Variants in ANKRD62 observed in about 807,000 individuals in gnomAD.
ANKRD62 encodes the protein ankyrin repeat domain-containing protein 62.
Under a neutral mutation model 98.8 loss-of-function variants are expected in ANKRD62, and 61 were observed. The observed-to-expected ratio is 0.62, with a 90% CI of 0.50 to 0.76. ANKRD62 has a LOEUF of 0.76. Ranked by LOEUF, ANKRD62 falls within the 30% of genes least tolerant of loss-of-function variation. ANKRD62 has a pLI of 0.00. For missense variants in ANKRD62, 933 were observed against 1,082.9 expected (o/e 0.86, Z 1.94); for synonymous variants, 341 against 367.9 (o/e 0.93, Z 0.84).
chr18:12,103,119 A>C, intron 6 of ANKRD62, 39 bp from the exon 7 acceptor site: 1 of 1,280,174 alleles, frequency 7.8e-7, no homozygotes, highest in Non-Finnish European at 1.0e-6. Context: ...AATTGTTCTA[A>C]GTAGTTCATT....
rs1211433399 is a variant in ANKRD62 at position 12,100,475 on chromosome 18, A to G, written c.820+793A>G. ...AGTCTGCAGATGAGCGGGCCCTTGC[A>G]GTTCAAACCTGTGTTGTTCAGAGAT... On this transcript the variant is annotated intron_variant, in intron 6 of 13. Transcript: ENST00000587848. 5.3e-5 allele frequency among the ~76,000 whole-genome samples: 8 copies of G among 152,172 alleles called. No homozygotes were observed. The East Asian group carries it at 1.5e-3, about 29-fold the overall frequency.
chr18:12,127,152 C>G (rs1256804047), intron 13 of ANKRD62, among the ~76,000 whole-genome samples: 5 of 152,190 alleles, frequency 3.3e-5, no homozygotes, highest in African/African-American at 9.7e-5. Flanking sequence ...GTACAAAGAT[C>G]AGCTTAGCTG....
downstream of ANKRD62, among the ~76,000 whole-genome samples, chr18:12,133,161 A>C (rs1243151851): frequency 6.6e-6 from 1 of 152,164 alleles, no homozygotes; most frequent in East Asian, 1.9e-4. Context: ...TATAAGTGAA[A>C]TCATAAAACA....
At chr18:12,130,804 GC>G (rs1483946098), downstream of ANKRD62, among the ~76,000 whole-genome samples, 2 of 151,892 alleles carry the variant, frequency 1.3e-5, no homozygotes, top group African/African-American at 4.8e-5. Context: ...GCAATCCCCT[GC>G]CCCAGCCTCC....
At chr18:12,119,348 T>C (rs77860726) in intron 10 of ANKRD62, among the ~76,000 whole-genome samples, 20 of 6,844 alleles carry the variant, frequency 2.9e-3, no homozygotes, top group African/African-American at 4.3e-3. Flanking sequence ...ATCTTCTTCT[T>C]TTTTTTTTTT....
chr18:12,176,134 G>C, the ANKRD62 span, among the ~76,000 whole-genome samples: 15 of 152,008 alleles, frequency 9.9e-5, no homozygotes, highest in South Asian at 3.1e-3. Flanking sequence ...AGAGGTTGCA[G>C]TGAGCTGAGA....
At position 12,125,449 on chromosome 18, in the gene ANKRD62, G is replaced by T; in HGVS notation, c.1639-11G>T. ...TGGGTGCTAGTTGAGAGTTTTCTTTGTTTTATTTAGAATTTTCATACTCAT... is the reference window on the plus strand; with the variant it reads ...TGGGTGCTAGTTGAGAGTTTTCTTTTTTTTATTTAGAATTTTCATACTCAT... On this transcript the variant is annotated splice_polypyrimidine_tract_variant and intron_variant, in intron 12 of 13. Transcript: ENST00000587848. 1 of 1,438,564 alleles carries T rather than the reference G, an allele frequency of 7.0e-7. No homozygotes were observed. Among genetic ancestry groups the T allele is most frequent in the Non-Finnish European group, 9.0e-7 (1 of 1,105,590 alleles). The allele number at this position is 1,438,564 out of a possible 1,614,324, so 89.1% of individuals were successfully genotyped here.
downstream of ANKRD62, chr18:12,129,852 C>A (rs1256733373): frequency 6.6e-6 from 1 of 151,896 alleles, no homozygotes; most frequent in African/African-American, 2.4e-5. Context: ...TTATATATAA[C>A]CATATTTTGT....
At chr18:12,169,922 T>C in the ANKRD62 span, among the ~76,000 whole-genome samples, 1 of 152,186 alleles carries the variant, frequency 6.6e-6, no homozygotes, top group African/African-American at 2.4e-5. Context: ...TGCATAGAGG[T>C]GTTTATAGTA....
chr18:12,151,474 A>G, the ANKRD62 span, among the ~76,000 whole-genome samples: 1 of 152,242 alleles, frequency 6.6e-6, no homozygotes, highest in Non-Finnish European at 1.5e-5. Flanking sequence ...ACAACAGAAT[A>G]TGCATTCTCT....
intron 6 of ANKRD62, chr18:12,102,700 C>T (rs1909330383): frequency 5.8e-6 from 6 of 1,036,076 alleles, no homozygotes; most frequent in South Asian, 3.6e-5. Flanking sequence ...ATATAATGAA[C>T]GGGGTGTATA....
chr18:12,121,831 G>A (rs1466346704), intron 10 of ANKRD62, among the ~76,000 whole-genome samples: 6 of 152,174 alleles, frequency 3.9e-5, no homozygotes, highest in Non-Finnish European at 8.8e-5. Flanking sequence ...TTCAGGTAAG[G>A]AGGAAAATCA....
rs1348818195 is a variant in ANKRD62, at chr18:12,093,999, G to GC, written c.-19_-18insC. ...CTTAAAGCCGTTCCTCAGCCTGGGA[G>GC]AAGATCTCTGGCTTCAGGATGGAGG... On this transcript the variant is annotated 5_prime_UTR_variant, in exon 1 of 14. Transcript: ENST00000587848. 1 of 1,534,368 alleles carries GC rather than the reference G, an allele frequency of 6.5e-7. No homozygotes were observed. Among genetic ancestry groups the GC allele is most frequent in the East Asian group, 2.5e-5 (1 of 40,716 alleles).
intron 6 of ANKRD62, chr18:12,102,798 G>A: frequency 1.0e-6 from 1 of 982,048 alleles, no homozygotes. Flanking sequence ...GGTAATATTA[G>A]GAAGTAAAGA....
At chr18:12,150,198 A>G in the ANKRD62 span, among the ~76,000 whole-genome samples, 1 of 152,232 alleles carries the variant, frequency 6.6e-6, no homozygotes, top group East Asian at 1.9e-4. Context: ...AGCTGAGAAA[A>G]GAATTTCAGA....
chr18:12,105,795 A>G (rs534492871), intron 7 of ANKRD62, among the ~76,000 whole-genome samples: 36 of 152,308 alleles, frequency 2.4e-4, no homozygotes, highest in Non-Finnish European at 5.0e-4. Flanking sequence ...CTGTCTGTCC[A>G]TTTTACAAGT....
rs1450911315 is a variant in ANKRD62, at chr18:12,122,517, G to A, written c.1454+1G>A. The stretch of plus-strand genomic sequence containing the variant: ...GGAAAAAAAAGCTCTGTAATTTGAG[G>A]TATCACATTCTAGTTTTAAAGAAAT... On this transcript the variant is annotated splice_donor_variant, in intron 11 of 13. Coordinates refer to ENST00000587848, the MANE Select transcript of ANKRD62 (RefSeq NM_001277333.2). LOFTEE classifies it high-confidence loss of function. The A allele has an allele frequency of 6.6e-7, 1 of 1,510,282 alleles. No homozygotes were observed. Among genetic ancestry groups the A allele is most frequent in the Non-Finnish European group, 8.8e-7 (1 of 1,139,220 alleles). The allele number at this position is 1,510,282 out of a possible 1,614,324, so 93.6% of individuals were successfully genotyped here. A position where few individuals can be genotyped will look rare whatever the true frequency, so the allele number is the denominator to read the frequency against.
Position 12,097,703 on chromosome 18 carries a change from C to T in ANKRD62, c.678C>T (p.His226=). Residue 226 remains histidine, a synonymous_variant, in exon 5 of 14, where the codon CAC becomes CAT. Coordinates refer to ENST00000587848, the MANE Select transcript of ANKRD62 (RefSeq NM_001277333.2). ...STSVVYQLLQ[H]NIDVFCQDIS... ...GTGTAGTCTACCAGCTTCTTCAGCA[C>T]AATATTGATGTCTTTTGCCAAGATA... 1 of 1,536,028 alleles carries T rather than the reference C, an allele frequency of 6.5e-7. No individual in the cohort carries two copies. Among genetic ancestry groups the T allele is most frequent in the East Asian group, 2.4e-5 (1 of 40,910 alleles).
downstream of ANKRD62, among the ~76,000 whole-genome samples, chr18:12,132,994 CAT>C (rs1910028307): frequency 6.6e-6 from 1 of 152,072 alleles, no homozygotes; most frequent in Non-Finnish European, 1.5e-5. Flanking sequence ...TTCACAATGT[CAT>C]ACAACAATCA....
Sources: allele counts gnomAD v4.1 joint callset (sites outside exome capture counted in the v4.1 genomes callset), GRCh38; gene constraint gnomAD v4.1.1; transcripts MANE v1.5; gene names NCBI Gene and HGNC (gene_info 2026-07-23, HGNC 2026-07-21).